Variants in ADAP1 observed in about 807,000 individuals in gnomAD.
The protein encoded by ADAP1 is ArfGAP with dual PH domains 1, also known as arf-GAP with dual PH domain-containing protein 1.
Under a neutral mutation model 54.9 loss-of-function variants are expected in ADAP1, and 31 were observed. The ratio of observed to expected loss-of-function variants is 0.56; its 90% CI spans 0.42 to 0.76. The LOEUF (loss-of-function observed/expected upper bound fraction) is 0.76, where lower values mean the gene tolerates loss of function less well. Among genes scored for constraint, ADAP1 ranks in the 30% least tolerant of loss-of-function variants. The pLI is 0.00. For missense variants in ADAP1, 535 were observed against 512.4 expected (o/e 1.04, Z -0.42); for synonymous variants, 313 against 202.6 (o/e 1.55, Z -4.63).
intron 1 of ADAP1, among the ~76,000 whole-genome samples, chr7:953,505 C>G (rs1583194370): frequency 6.6e-6 from 1 of 152,232 alleles, no homozygotes; most frequent in Non-Finnish European, 1.5e-5. Context: ...GGGCCTCAGT[C>G]ACCGCCGGTG....
chr7:941,286 G>A (rs1013059440), intron 1 of ADAP1, among the ~76,000 whole-genome samples: 3 of 152,136 alleles, frequency 2.0e-5, no homozygotes, highest in Non-Finnish European at 2.9e-5. Context: ...CCTAGTCAAC[G>A]TTGAGCTAGA....
chr7:906,806 G>GGGGGGCATGGGTGACAC (rs1554272526), intron 4 of ADAP1, among the ~76,000 whole-genome samples: 1 of 44,396 alleles, frequency 2.3e-5, no homozygotes, highest in African/African-American at 9.1e-5. Context: ...CAGGGGACAT[G>GGGGGGCATGGGTGACAC]GGGGGACATG....
Position 899,278 on chromosome 7 carries a change from C to G in ADAP1, c.868-17G>C, listed in dbSNP as rs767426884. 1.2e-6 allele frequency: 2 copies of G among 1,612,172 alleles called. No individual in the cohort carries two copies. Among genetic ancestry groups the G allele is most frequent in the South Asian group, 2.2e-5 (2 of 91,068 alleles). ...GAAGGCGTCCTGTGGGTGGGGACCG[C>G]ACTGGAGGCGGGGCCATGTCCCTTC... is the stretch of plus-strand genomic sequence containing the variant. On this transcript the variant is annotated splice_polypyrimidine_tract_variant and intron_variant, in intron 9 of 10. Transcript: ENST00000265846.
chr7:930,648 G>A (rs577326386), intron 2 of ADAP1, among the ~76,000 whole-genome samples: 85 of 151,662 alleles, frequency 5.6e-4, no homozygotes, highest in African/African-American at 1.2e-3. Context: ...GCAAAACCCC[G>A]TCTCTATTAA....
intron 7 of ADAP1, 49 bp from the exon 8 acceptor site, chr7:900,213 C>T (rs375154076): frequency 1.6e-5 from 25 of 1,606,956 alleles, no homozygotes; most frequent in Middle Eastern, 1.6e-4. Context: ...CAGCTCAGGC[C>T]GAGCCCCTCC....
intron 4 of ADAP1, among the ~76,000 whole-genome samples, chr7:919,041 C>T (rs1407383769): frequency 1.3e-5 from 2 of 152,060 alleles, no homozygotes; most frequent in African/African-American, 4.8e-5. Flanking sequence ...GGCTGGCCTC[C>T]CAGGCCCCCA....
At chr7:904,907 G>C (rs1161827757) in intron 5 of ADAP1, among the ~76,000 whole-genome samples, 153 bp downstream of exon 5, 1 of 152,206 alleles carries the variant, frequency 6.6e-6, no homozygotes, top group Non-Finnish European at 1.5e-5. Context: ...CAGAGGCTCA[G>C]CCCAACACAG....
intron 6 of ADAP1, 41 bp from the exon 7 acceptor site, chr7:900,657 G>GCGGGGCTGGGGTCCC: frequency 6.4e-7 from 1 of 1,556,614 alleles, no homozygotes; most frequent in East Asian, 2.3e-5. Context: ...TGAGGAGGCT[G>GCGGGGCTGGGGTCCC]CAGCGCTGGG....
At position 904,292 on chromosome 7, in the gene ADAP1, A is replaced by G; in HGVS notation, c.502-20T>C. 1 of 1,559,940 alleles carries G rather than the reference A, an allele frequency of 6.4e-7. No homozygotes were observed. Among genetic ancestry groups the G allele is most frequent in the Non-Finnish European group, 8.7e-7 (1 of 1,151,694 alleles). ...CTTGGCCTGAGAAGGGGTGGGGTCTAAGCACCTCACAGGGGCCGTCGTCCA... is the reference window on the plus strand; with the variant it reads ...CTTGGCCTGAGAAGGGGTGGGGTCTGAGCACCTCACAGGGGCCGTCGTCCA... On this transcript the variant is annotated intron_variant, in intron 5 of 10. Coordinates refer to ENST00000265846, the MANE Select transcript of ADAP1 (RefSeq NM_006869.4).
upstream of ADAP1, chr7:954,844 A>T (rs1583195517): frequency 1.8e-6 from 1 of 549,108 alleles, no homozygotes; most frequent in Non-Finnish European, 2.3e-6. Context: ...CCCGCCCCCC[A>T]TCCGCGCGCA....
intron 4 of ADAP1, among the ~76,000 whole-genome samples, chr7:907,562 G>A (rs562359519): frequency 2.0e-5 from 3 of 152,040 alleles, no homozygotes; most frequent in South Asian, 2.1e-4. Flanking sequence ...TCAGAGGGGC[G>A]TTCCCATCCC....
chr7:918,040 T>C (rs1292298939), intron 4 of ADAP1, among the ~76,000 whole-genome samples: 1 of 152,124 alleles, frequency 6.6e-6, no homozygotes, highest in Non-Finnish European at 1.5e-5. Context: ...CTGCCCGCCT[T>C]GACCTCCATA....
intron 4 of ADAP1, among the ~76,000 whole-genome samples, chr7:914,000 A>G (rs998188706): frequency 6.6e-6 from 1 of 152,198 alleles, no homozygotes; most frequent in Admixed American, 6.5e-5. Context: ...TAACAGAGGG[A>G]TGGAGTGGGG....
chr7:898,398 A>G lies in ADAP1; in HGVS notation c.*523T>C, dbSNP rs1287416451. The G allele has an allele frequency of 5.3e-6, 1 of 187,352 alleles. No individual in the cohort carries two copies. Among genetic ancestry groups the G allele is most frequent in the African/African-American group, 2.4e-5 (1 of 42,206 alleles). The allele number at this position is 187,352 out of a possible 1,614,324, so 11.6% of individuals were successfully genotyped here. On this transcript the variant is annotated 3_prime_UTR_variant, in exon 11 of 11. Transcript: ENST00000265846. ...CGGGCAGGGGCCGGGACCTGTGTGGATAATCCACCCAAACACCCCACGGCC... is the reference window on the plus strand; with the variant it reads ...CGGGCAGGGGCCGGGACCTGTGTGGGTAATCCACCCAAACACCCCACGGCC...
intron 4 of ADAP1, among the ~76,000 whole-genome samples, chr7:911,080 G>A (rs761860863): frequency 1.3e-5 from 2 of 152,168 alleles, no homozygotes; most frequent in African/African-American, 4.8e-5. Flanking sequence ...GTCTGGGGCC[G>A]GCAGAGGCTG....
At chr7:905,635 G>GAGAAAGGA (rs370672323) in intron 4 of ADAP1, 8 of 29,338 alleles carry the variant, frequency 2.7e-4, no homozygotes, top group African/African-American at 9.0e-4. Context: ...AAGGAGAAAG[G>GAGAAAGGA]GAAAGGAGAA....
chr7:919,929 A>C, intron 4 of ADAP1, 39 bp downstream of exon 4: 2 of 1,474,624 alleles, frequency 1.4e-6, no homozygotes, highest in East Asian at 2.6e-5. Context: ...AGCCAGGGAG[A>C]GGTAGCCGGG....
chr7:940,178 G>T (rs2128110016), intron 1 of ADAP1, among the ~76,000 whole-genome samples: 1 of 152,060 alleles, frequency 6.6e-6, no homozygotes, highest in East Asian at 1.9e-4. Context: ...TAAATGTGAA[G>T]AAATAGAGAC....
At chr7:900,282 G>C (rs1158939744) in intron 7 of ADAP1, 118 bp from the exon 8 acceptor site, 1 of 1,277,798 alleles carries the variant, frequency 7.8e-7, no homozygotes, top group Non-Finnish European at 1.1e-6. Flanking sequence ...GCCCAGGCCT[G>C]GCTTAGCCTC....
Sources: gnomAD v4.1 joint callset for allele counts (sites outside exome capture counted in the v4.1 genomes callset) on GRCh38, gnomAD v4.1.1 for gene constraint, MANE v1.5 for transcripts, NCBI Gene and HGNC (gene_info 2026-07-23, HGNC 2026-07-21) for gene names.